CCDC138: variants seen among roughly 807,000 people sequenced by gnomAD.
The protein encoded by CCDC138 is coiled-coil domain containing 138.
In CCDC138, 66 loss-of-function variants were observed where a neutral mutation model predicts 82.3. That is an observed-to-expected ratio of 0.80 (90% CI 0.66 to 0.98). The LOEUF (loss-of-function observed/expected upper bound fraction) is 0.98. CCDC138 is among the 50% of genes least tolerant of loss of function. The pLI is 0.00. For synonymous variants in CCDC138, 297 were observed against 265.4 expected, an observed-to-expected ratio of 1.12 and a Z score of -1.16; for missense variants, 816 against 758.9, an observed-to-expected ratio of 1.08 and a Z score of -0.88.
Position 108,786,887 on chromosome 2 carries a change from A to G in CCDC138, c.65A>G (p.Tyr22Cys), listed in dbSNP as rs1678873327. Residue 22 changes from tyrosine to cysteine, a missense_variant, in exon 1 of 15, where the codon TAC becomes TGC. Transcript: ENST00000295124. ...DLVVESLKSR[Y>C]GLGGSCPDEY... ...GTAGTGGAGAGTCTCAAAAGCCGCT[A>G]CGGACTCGGGGGCAGCTGCCCCGAC... The G allele has an allele frequency of 3.8e-6, 6 of 1,564,968 alleles. No individual in the cohort carries two copies. The highest frequency in any genetic ancestry group is 2.3e-5 in the South Asian group (2 of 86,006).
At chr2:108,815,312 A>G (rs935365698) in intron 9 of CCDC138, among the ~76,000 whole-genome samples, 6 of 152,012 alleles carry the variant, frequency 3.9e-5, no homozygotes, top group South Asian at 4.1e-4. Context: ...CTTTTTTTCC[A>G]TCTTATCAAA....
chr2:108,843,706 T>G (rs1219993953), intron 11 of CCDC138, among the ~76,000 whole-genome samples: 3 of 152,060 alleles, frequency 2.0e-5, no homozygotes, highest in African/African-American at 7.2e-5. Context: ...TTAGTTTTTA[T>G]AAGTTTGACT....
chr2:108,796,506 G>A (rs996183048), intron 5 of CCDC138, among the ~76,000 whole-genome samples: 10 of 152,128 alleles, frequency 6.6e-5, no homozygotes, highest in African/African-American at 1.9e-4. Context: ...AGAAAACGGC[G>A]TATCGAAGAG....
intron 10 of CCDC138, among the ~76,000 whole-genome samples, chr2:108,826,729 A>T (rs1360264235): frequency 4.6e-5 from 7 of 152,186 alleles, no homozygotes. Flanking sequence ...GTTCTGGGTC[A>T]ATGGCATTTT....
chr2:108,796,227 T>G (rs1475166668), intron 5 of CCDC138, among the ~76,000 whole-genome samples: 4 of 151,474 alleles, frequency 2.6e-5, no homozygotes, highest in African/African-American at 9.7e-5. Context: ...TTTTTTTTTT[T>G]GTATTTTTAG....
intron 11 of CCDC138, among the ~76,000 whole-genome samples, chr2:108,840,982 T>TTGTGTTTTTTGTGTG (rs976596869): frequency 6.6e-6 from 1 of 151,744 alleles, no homozygotes; most frequent in Admixed American, 6.6e-5. Flanking sequence ...TGGCTAATTT[T>TTGTGTTTTTTGTGTG]TGTGTTTTTT....
chr2:108,856,766 C>T, intron 12 of CCDC138, 28 bp from the exon 13 acceptor site: 3 of 1,592,514 alleles, frequency 1.9e-6, no homozygotes, highest in Admixed American at 1.8e-5. Context: ...AGCAAAACTG[C>T]AGTTGATTGT....
intron 10 of CCDC138, among the ~76,000 whole-genome samples, chr2:108,827,426 A>G (rs1686798531): frequency 6.6e-6 from 1 of 152,248 alleles, no homozygotes; most frequent in Non-Finnish European, 1.5e-5. Context: ...AATGATATGA[A>G]AACTTAATTG....
At chr2:108,820,931 C>A (rs543393977) in intron 10 of CCDC138, among the ~76,000 whole-genome samples, 1 of 151,852 alleles carries the variant, frequency 6.6e-6, no homozygotes, top group Non-Finnish European at 1.5e-5. Context: ...AATAAATGGA[C>A]AAATATAGTA....
At chr2:108,787,214 C>G (rs961568051) in intron 1 of CCDC138, among the ~76,000 whole-genome samples, 1 of 152,170 alleles carries the variant, frequency 6.6e-6, no homozygotes, top group Non-Finnish European at 1.5e-5. Flanking sequence ...GTTGTGAAAA[C>G]AATTGAATTG....
intron 14 of CCDC138, 33 bp downstream of exon 14, chr2:108,873,622 G>A: frequency 6.9e-7 from 1 of 1,447,080 alleles, no homozygotes; most frequent in Non-Finnish European, 9.6e-7. Flanking sequence ...ATTTTTTATT[G>A]AAAAATACCT....
intron 10 of CCDC138, among the ~76,000 whole-genome samples, chr2:108,816,344 G>A (rs1292203488): frequency 2.6e-5 from 4 of 152,116 alleles, no homozygotes; most frequent in Non-Finnish European, 5.9e-5. Context: ...TCAGCTACTT[G>A]GGAGGCTGAG....
intron 10 of CCDC138, among the ~76,000 whole-genome samples, chr2:108,829,735 G>T (rs560997367): frequency 1.3e-5 from 2 of 152,184 alleles, no homozygotes; most frequent in African/African-American, 4.8e-5. Context: ...GACAAATTGA[G>T]ACTGTGTCAA....
chr2:108,798,714 C>G, intron 6 of CCDC138, 128 bp downstream of exon 6: 1 of 264,478 alleles, frequency 3.8e-6, no homozygotes, highest in South Asian at 6.6e-5. Context: ...CGCCTACACA[C>G]ACACACACAC....
At chr2:108,839,496 T>C (rs924642512) in intron 11 of CCDC138, among the ~76,000 whole-genome samples, 195 bp downstream of exon 11, 2 of 152,198 alleles carry the variant, frequency 1.3e-5, no homozygotes, top group African/African-American at 4.8e-5. Context: ...ATCTTTCCTT[T>C]GTTGAGTCTT....
chr2:108,803,535 C>G (rs1021855472), intron 6 of CCDC138, among the ~76,000 whole-genome samples: 1 of 152,128 alleles, frequency 6.6e-6, no homozygotes, highest in Non-Finnish European at 1.5e-5. Flanking sequence ...CTCACTGCAC[C>G]CTCAAGTCAT....
intron 7 of CCDC138, among the ~76,000 whole-genome samples, chr2:108,809,482 GTGTGTGA>G (rs1683430038): frequency 1.3e-5 from 2 of 150,026 alleles, no homozygotes; most frequent in African/African-American, 5.0e-5. Context: ...GTGTGTGTGT[GTGTGTGA>G]TCTTCAGTTT....
chr2:108,847,744 A>G (rs1432520879), intron 12 of CCDC138, among the ~76,000 whole-genome samples: 1 of 152,164 alleles, frequency 6.6e-6, no homozygotes, highest in Non-Finnish European at 1.5e-5. Context: ...GTTTTTATTA[A>G]TGGGCAATGA....
chr2:108,793,456 C>G (rs985690102), intron 4 of CCDC138, among the ~76,000 whole-genome samples: 19 of 152,170 alleles, frequency 1.2e-4, no homozygotes, highest in African/African-American at 4.6e-4. Context: ...AGGAACTCAC[C>G]TACTGCTGTT....
Sources: allele counts gnomAD v4.1 joint callset (sites outside exome capture counted in the v4.1 genomes callset), GRCh38; gene constraint gnomAD v4.1.1; transcripts MANE v1.5; gene names NCBI Gene and HGNC (gene_info 2026-07-23, HGNC 2026-07-21).